The following MYT1L variants were observed in gnomAD, a reference collection of about 807,000 sequenced individuals.
The protein encoded by MYT1L is myelin transcription factor 1 like, also known as myelin transcription factor 1-like protein.
A neutral mutation model predicts 126.7 loss-of-function variants in MYT1L; 12 were observed. The ratio of observed to expected loss-of-function variants is 0.09; its 90% CI spans 0.06 to 0.15. The LOEUF (loss-of-function observed/expected upper bound fraction) is 0.15. Among genes scored for constraint, MYT1L ranks in the 10% least tolerant of loss-of-function variants. The pLI is 1.00. For missense variants in MYT1L, 979 were observed against 1,585.2 expected (o/e 0.62, Z 6.49); for synonymous variants, 541 against 604.2 (o/e 0.90, Z 1.53).
chr2:2,209,795 C>T (rs2093440776), intron 2 of MYT1L, among the ~76,000 whole-genome samples: 1 of 152,094 alleles, frequency 6.6e-6, no homozygotes. Context: ...CATTTCCTTT[C>T]TTTTGGGTAT....
intron 13 of MYT1L, among the ~76,000 whole-genome samples, chr2:1,908,064 C>T (rs529096090): frequency 9.2e-5 from 14 of 152,370 alleles, no homozygotes; most frequent in African/African-American, 2.6e-4. Flanking sequence ...CTGTCCTGGC[C>T]TGGTTCCCAT....
rs184088674 is a variant in MYT1L at position 1,844,705 on chromosome 2, G to A, written c.2775-3862C>T. On this transcript the variant is annotated intron_variant, in intron 19 of 24. Transcript: ENST00000647738. ...CATGATACATACAATGCTGGGCACA[G>A]AGAAGGAGCTCTGTGATTTTAGATC... 5.0e-4 allele frequency among the ~76,000 whole-genome samples: 76 copies of A among 152,310 alleles called. No individual in the cohort carries two copies. In the East Asian group the frequency reaches 0.01, roughly 21 times the overall value.
At chr2:1,797,511 T>C (rs940456616) in intron 23 of MYT1L, among the ~76,000 whole-genome samples, 32 of 152,290 alleles carry the variant, frequency 2.1e-4, no homozygotes, top group East Asian at 1.4e-3. Flanking sequence ...TGAGCCACTG[T>C]GCCCGGCCAG....
intron 8 of MYT1L, among the ~76,000 whole-genome samples, chr2:1,971,805 C>T (rs780345089): frequency 7.2e-5 from 11 of 152,090 alleles, no homozygotes; most frequent in African/African-American, 1.7e-4. Context: ...TATGGGTACT[C>T]AGGCCTGAAT....
chr2:1,954,221 C>T (rs772119240), intron 8 of MYT1L, among the ~76,000 whole-genome samples: 1 of 152,198 alleles, frequency 6.6e-6, no homozygotes, highest in Non-Finnish European at 1.5e-5. Flanking sequence ...CCAACACAAA[C>T]GCTGAAGTCA....
chr2:2,257,575 C>T (rs1027229310), intron 2 of MYT1L, among the ~76,000 whole-genome samples: 1 of 152,196 alleles, frequency 6.6e-6, no homozygotes, highest in African/African-American at 2.4e-5. Context: ...AGCACTGTAT[C>T]GTCTATTTGA....
intron 2 of MYT1L, among the ~76,000 whole-genome samples, chr2:2,267,383 A>C (rs2095158674): frequency 6.6e-6 from 1 of 152,232 alleles, no homozygotes; most frequent in Non-Finnish European, 1.5e-5. Flanking sequence ...ACAGGTAAAA[A>C]GCGGAGCAGA....
intron 3 of MYT1L, among the ~76,000 whole-genome samples, chr2:2,147,750 G>A (rs1186330598): frequency 6.6e-6 from 1 of 152,194 alleles, no homozygotes; most frequent in Non-Finnish European, 1.5e-5. Context: ...AGAAGGCAGG[G>A]TGTCTGCGTC....
intron 8 of MYT1L, among the ~76,000 whole-genome samples, chr2:1,959,775 C>T (rs758526066): frequency 1.2e-4 from 18 of 152,168 alleles, no homozygotes; most frequent in African/African-American, 3.6e-4. Context: ...GCTCTCTTCC[C>T]GCATGGGACA....
intron 3 of MYT1L, among the ~76,000 whole-genome samples, chr2:2,124,042 C>G (rs1329744992): frequency 6.6e-6 from 1 of 152,206 alleles, no homozygotes; most frequent in Non-Finnish European, 1.5e-5. Flanking sequence ...GTTGAAACCA[C>G]AGAGTGTATG....
At chr2:1,924,253 G>A (rs1226157904) in intron 9 of MYT1L, among the ~76,000 whole-genome samples, 1 of 152,144 alleles carries the variant, frequency 6.6e-6, no homozygotes, top group African/African-American at 2.4e-5. Flanking sequence ...CACACTCAAA[G>A]AGCATTTGGG....
intron 13 of MYT1L, among the ~76,000 whole-genome samples, chr2:1,908,227 C>A (rs552563721): frequency 6.6e-6 from 1 of 152,342 alleles, no homozygotes; most frequent in East Asian, 1.9e-4. Flanking sequence ...AGGCTTCAGG[C>A]CGGAACATCG....
At chr2:2,019,644 T>C (rs769451497) in intron 4 of MYT1L, among the ~76,000 whole-genome samples, 1 of 152,186 alleles carries the variant, frequency 6.6e-6, no homozygotes, top group Non-Finnish European at 1.5e-5. Flanking sequence ...GGCAAACACC[T>C]TTGTTAGTTT....
intron 1 of MYT1L, chr2:2,323,927 C>T (rs1032435315): frequency 3.3e-5 from 5 of 152,142 alleles, no homozygotes; most frequent in Non-Finnish European, 7.3e-5. Flanking sequence ...TCTCGATGCA[C>T]GGTTTCAGAA....
chr2:1,930,597 C>T (rs564721211), intron 9 of MYT1L, among the ~76,000 whole-genome samples: 34 of 152,216 alleles, frequency 2.2e-4, no homozygotes, highest in East Asian at 1.7e-3. Flanking sequence ...CTGCTGGGCA[C>T]GAGGAGGGCA....
At chr2:1,805,075 C>T (rs1348318275) in intron 22 of MYT1L, among the ~76,000 whole-genome samples, 3 of 152,204 alleles carry the variant, frequency 2.0e-5, no homozygotes, top group African/African-American at 4.8e-5. Flanking sequence ...ACAGCCACGC[C>T]GGCTGCTCAG....
At chr2:2,004,578 C>T (rs113134150) in intron 4 of MYT1L, among the ~76,000 whole-genome samples, 3,448 of 146,610 alleles carry the variant, frequency 0.024, 55 homozygotes, top group African/African-American at 0.048. Flanking sequence ...CTTCTGCAGG[C>T]GTTCTTTCCT....
chr2:2,290,785 G>A (rs959035207), intron 1 of MYT1L, among the ~76,000 whole-genome samples: 16 of 152,142 alleles, frequency 1.1e-4, no homozygotes, highest in Admixed American at 1.0e-3. Context: ...TCTGGGGTGA[G>A]GCCCAGGCAT....
chr2:2,225,760 A>T (rs7565995), intron 2 of MYT1L, among the ~76,000 whole-genome samples: 1 of 151,462 alleles, frequency 6.6e-6, no homozygotes, highest in Non-Finnish European at 1.5e-5. Flanking sequence ...ATACAAATGT[A>T]AAAAAAAATA....
Sources: gnomAD v4.1 joint callset for allele counts (sites outside exome capture counted in the v4.1 genomes callset) on GRCh38, gnomAD v4.1.1 for gene constraint, MANE v1.5 for transcripts, NCBI Gene and HGNC (gene_info 2026-07-23, HGNC 2026-07-21) for gene names.